Variants in CACNG6 observed in about 807,000 individuals in gnomAD.
The protein encoded by CACNG6 is calcium voltage-gated channel auxiliary subunit gamma 6, also known as voltage-dependent calcium channel gamma-6 subunit.
Under a neutral mutation model 23.9 loss-of-function variants are expected in CACNG6, and 21 were observed. The ratio of observed to expected loss-of-function variants is 0.88; its 90% confidence interval spans 0.62 to 1.26. The LOEUF (loss-of-function observed/expected upper bound fraction) is 1.26, where lower values mean the gene tolerates loss of function less well. CACNG6 is among the 50% of genes most tolerant of loss of function. The pLI is 0.00. For missense variants in CACNG6, 340 were observed against 352.9 expected (o/e 0.96, Z 0.29); for synonymous variants, 182 against 168.9 (o/e 1.08, Z -0.60).
At chr19:54,007,249 G>A (rs307958) in intron 3 of CACNG6, among the ~76,000 whole-genome samples, 112,173 of 152,088 alleles carry the variant, frequency 0.74, 41,870 homozygotes, top group East Asian at 0.95. Context: ...GGGTTTCACC[G>A]TGTTGGTCAG....
At position 53,992,806 on chromosome 19, in the gene CACNG6, T is replaced by C. The variant is rs563696631; in HGVS notation, c.-72T>C. 7.4e-5 allele frequency: 82 copies of C among 1,104,016 alleles called. No homozygotes were observed. The African/African-American group carries it at 1.2e-3, about 16-fold the overall frequency. The allele number at this position is 1,104,016 out of a possible 1,614,324, so 68.4% of individuals were successfully genotyped here. A position where few individuals can be genotyped will look rare whatever the true frequency, so the allele number is the denominator to read the frequency against. On this transcript the variant is annotated 5_prime_UTR_variant, in exon 1 of 4. Transcript: ENST00000252729. The surrounding 1 kb of genome is among the most constrained non-coding windows in gnomAD (Gnocchi z 4.1). Reference sequence around the variant, plus strand: ...CACCCCCTTCAAGACCCCAGGCCGCTCCTCGCTCCCGCCCCTCGAGGCCCT... The same window carrying C: ...CACCCCCTTCAAGACCCCAGGCCGCCCCTCGCTCCCGCCCCTCGAGGCCCT...
intron 3 of CACNG6, among the ~76,000 whole-genome samples, chr19:54,005,202 C>T (rs1298660897): frequency 9.6e-6 from 1 of 104,702 alleles, no homozygotes; most frequent in African/African-American, 3.2e-5. Context: ...GAGCGAGACT[C>T]CATCTCAAAA....
intron 3 of CACNG6, among the ~76,000 whole-genome samples, chr19:54,005,616 T>C (rs939607966): frequency 1.3e-5 from 2 of 151,320 alleles, no homozygotes; most frequent in South Asian, 2.1e-4. Flanking sequence ...TAGGCGGGCA[T>C]GGTGGTGATG....
At chr19:54,000,639 C>T (rs986939949) in intron 3 of CACNG6, among the ~76,000 whole-genome samples, 8 of 152,114 alleles carry the variant, frequency 5.3e-5, no homozygotes, top group Admixed American at 2.0e-4. Flanking sequence ...AGTGTAATGG[C>T]ATGATCTCGG....
intron 3 of CACNG6, among the ~76,000 whole-genome samples, chr19:54,005,078 G>A (rs1282057080): frequency 1.3e-5 from 2 of 150,612 alleles, no homozygotes; most frequent in African/African-American, 2.4e-5. Context: ...GCGTGGTGGC[G>A]GGCGCCTGTA....
chr19:54,002,059 CTCTT>C (rs896108124), intron 3 of CACNG6, among the ~76,000 whole-genome samples: 5 of 151,834 alleles, frequency 3.3e-5, no homozygotes, highest in African/African-American at 1.2e-4. Flanking sequence ...TCCCCTCTCT[CTCTT>C]TCCCTATGTC....
Position 53,992,665 on chromosome 19 carries a change from A to G in CACNG6, c.-213A>G. 1 of 365,292 alleles carries G rather than the reference A, an allele frequency of 2.7e-6. No individual in the cohort carries two copies. The highest frequency in any genetic ancestry group is 4.0e-5 in the East Asian group (1 of 24,712). The allele number at this position is 365,292 out of a possible 1,614,324, so 22.6% of individuals were successfully genotyped here. A position where few individuals can be genotyped will look rare whatever the true frequency, so the allele number is the denominator to read the frequency against. ...TCCTCTGAACCCCAGAGGCTTCCCCAGCCCTGGGGATCATTTTTCTCTTCT... is the reference window on the plus strand; with the variant it reads ...TCCTCTGAACCCCAGAGGCTTCCCCGGCCCTGGGGATCATTTTTCTCTTCT... On this transcript the variant is annotated 5_prime_UTR_variant, in exon 1 of 4. Coordinates refer to ENST00000252729, the MANE Select transcript of CACNG6 (RefSeq NM_145814.2). This position sits in a 1 kb window ranked among gnomAD's most constrained non-coding sequence, Gnocchi z 4.1.
chr19:53,994,790 C>T (rs7251895), intron 1 of CACNG6, among the ~76,000 whole-genome samples: 16,004 of 152,148 alleles, frequency 0.11, 1,127 homozygotes, highest in African/African-American at 0.2. Context: ...ATGCCAGGCC[C>T]CCCGGCTGTC....
In CACNG6 at chr19:53,993,050, G is replaced by A; in HGVS notation, c.173G>A (p.Gly58Asp). The A allele has an allele frequency of 2.0e-6, 3 of 1,507,936 alleles. No homozygotes were observed. The highest frequency in any genetic ancestry group is 2.5e-5 in the South Asian group (2 of 79,360). 93.4% of individuals were successfully genotyped at this position (1,507,936 alleles called of 1,614,324 possible). The change falls in exon 1 of 4, where the codon GGC (glycine) becomes GAC (aspartate). Residue 58 changes from glycine to aspartate, a missense_variant. Transcript: ENST00000252729. ...VGATLAVLSV[G>D]TEFWVELNTY... Reference sequence around the variant, plus strand: ...GCCACGCTGGCGGTGCTGTCCGTGGGCACCGAGTTCTGGGTGGAGCTCAAC... The same window carrying A: ...GCCACGCTGGCGGTGCTGTCCGTGGACACCGAGTTCTGGGTGGAGCTCAAC...
At chr19:54,010,300 C>T (rs886834096) in intron 3 of CACNG6, among the ~76,000 whole-genome samples, 1 of 151,972 alleles carries the variant, frequency 6.6e-6, no homozygotes, top group African/African-American at 2.4e-5. Flanking sequence ...AGGCGTGAGT[C>T]ACTGTGCCCG....
At chr19:54,003,542 A>G (rs1288885291) in intron 3 of CACNG6, among the ~76,000 whole-genome samples, 7 of 151,718 alleles carry the variant, frequency 4.6e-5, no homozygotes, top group African/African-American at 1.5e-4. Flanking sequence ...TGTATTTTTA[A>G]TAGAGACTGG....
Position 54,003,209 on chromosome 19 carries a change from G to A in CACNG6, c.544+3438G>A, listed in dbSNP as rs4806482. Among the ~76,000 whole-genome samples the A allele has an allele frequency of 5.1e-3, 769 of 152,108 alleles. 4 individuals are homozygous for A. The highest frequency in any genetic ancestry group is 0.01 in the Middle Eastern group (3 of 292). The stretch of plus-strand genomic sequence containing the variant: ...AAGACAGGCTCAGGGAGGGGGAGGC[G>A]GAAAATTATTCCAAGCAGCATAAAG... On this transcript the variant is annotated intron_variant, in intron 3 of 3. Coordinates refer to ENST00000252729, the MANE Select transcript of CACNG6 (RefSeq NM_145814.2).
Position 54,012,448 on chromosome 19 carries a change from C to G in CACNG6, c.*259C>G. ...AACGAGGGTCCCCAGAGAAGACTGG[C>G]GGGGACCTGATGGGGTAGCTGGGGT... On this transcript the variant is annotated 3_prime_UTR_variant, in exon 4 of 4. Coordinates refer to ENST00000252729, the MANE Select transcript of CACNG6 (RefSeq NM_145814.2). The G allele has an allele frequency of 3.5e-5, 3 of 85,878 alleles. No homozygotes were observed. The highest frequency in any genetic ancestry group is 1.6e-4 in the Admixed American group (1 of 6,306). The allele number at this position is 85,878 out of a possible 1,614,324, so 5.3% of individuals were successfully genotyped here. A position where few individuals can be genotyped will look rare whatever the true frequency, so the allele number is the denominator to read the frequency against.
At chr19:53,991,572 CGAGGGTGGAGGGTG>C (rs535117076), upstream of CACNG6, among the ~76,000 whole-genome samples, 22,211 of 63,694 alleles carry the variant, frequency 0.35, 2,123 homozygotes, top group Non-Finnish European at 0.47. Context: ...GAAATAGCCC[CGAGGGTGGAGGGTG>C]GAGGGTGGGG....
chr19:54,007,402 G>C (rs1472361787), intron 3 of CACNG6, among the ~76,000 whole-genome samples: 2 of 152,106 alleles, frequency 1.3e-5, no homozygotes, highest in African/African-American at 2.4e-5. Context: ...GAGGTACTTG[G>C]GGTCAGGACC....
Position 54,011,940 on chromosome 19 carries a change from C to T in CACNG6, c.545-11C>T. ...CGGGCGTCTGACTGCGAGCTGTCCT[C>T]TCTCCCGCAGGCCTGCTGCTCTTGG... On this transcript the variant is annotated splice_polypyrimidine_tract_variant and intron_variant, in intron 3 of 3. Coordinates refer to ENST00000252729, the MANE Select transcript of CACNG6 (RefSeq NM_145814.2). 6.8e-7 allele frequency: 1 copy of T among 1,477,112 alleles called. No individual in the cohort carries two copies. Among genetic ancestry groups the T allele is most frequent in the Non-Finnish European group, 9.0e-7 (1 of 1,111,948 alleles). The allele number at this position is 1,477,112 out of a possible 1,614,324, so 91.5% of individuals were successfully genotyped here.
chr19:54,011,940 C>A lies in CACNG6; in HGVS notation c.545-11C>A. The stretch of plus-strand genomic sequence containing the variant: ...CGGGCGTCTGACTGCGAGCTGTCCT[C>A]TCTCCCGCAGGCCTGCTGCTCTTGG... On this transcript the variant is annotated splice_polypyrimidine_tract_variant and intron_variant, in intron 3 of 3. Coordinates refer to ENST00000252729, the MANE Select transcript of CACNG6 (RefSeq NM_145814.2). 1.4e-6 allele frequency: 2 copies of A among 1,477,112 alleles called. No individual in the cohort carries two copies. Among genetic ancestry groups the A allele is most frequent in the Non-Finnish European group, 1.8e-6 (2 of 1,111,948 alleles). The allele number at this position is 1,477,112 out of a possible 1,614,324, so 91.5% of individuals were successfully genotyped here.
chr19:54,001,339 C>T (rs1390633858), intron 3 of CACNG6, among the ~76,000 whole-genome samples: 1 of 151,998 alleles, frequency 6.6e-6, no homozygotes, highest in African/African-American at 2.4e-5. Flanking sequence ...CAGGTGTGTG[C>T]CACCACGCCT....
At chr19:53,997,460 A>G (rs1006236332) in intron 1 of CACNG6, among the ~76,000 whole-genome samples, 10 of 152,084 alleles carry the variant, frequency 6.6e-5, no homozygotes, top group Non-Finnish European at 1.3e-4. Context: ...CCTGCAATGA[A>G]ATTGTTGAGC....
Sources: gnomAD v4.1 joint callset for allele counts (sites outside exome capture counted in the v4.1 genomes callset) on GRCh38, gnomAD v4.1.1 for gene constraint, Gnocchi (gnomAD v3.1) non-coding constraint, MANE v1.5 for transcripts, NCBI Gene and HGNC (gene_info 2026-07-23, HGNC 2026-07-21) for gene names.